The following SLAIN1 variants were observed in gnomAD, a reference collection of about 807,000 sequenced individuals.
SLAIN1 encodes the protein SLAIN family member 1.
Under a neutral mutation model 55.4 loss-of-function variants are expected in SLAIN1, and 17 were observed. The observed-to-expected ratio is 0.31, with a 90% CI of 0.21 to 0.46. SLAIN1 has a LOEUF of 0.46. SLAIN1 is among the 20% of genes least tolerant of loss of function. SLAIN1 has a pLI of 1.00. For missense variants in SLAIN1, 682 were observed against 785.1 expected (o/e 0.87, Z 1.57); for synonymous variants, 348 against 337.4 (o/e 1.03, Z -0.35).
rs774945284 is a variant in SLAIN1 at position 77,760,891 on chromosome 13, G to A, written c.1478G>A (p.Arg493Gln). ...HSVGHFPVSI[R>Q]QPLKATAYVS... ...GTGGGGCATTTCCCAGTGTCTATCC[G>A]ACAGCCTCTTAAAGCCACAGCCTAT... is the stretch of plus-strand genomic sequence containing the variant. The change falls in exon 6 of 7, where the codon CGA (arginine) becomes CAA (glutamine). Residue 493 changes from arginine to glutamine, a missense_variant. Arg to Gln is a conservative substitution (Grantham distance 43). Transcript: ENST00000418532. The A allele has an allele frequency of 2.0e-5, 32 of 1,613,968 alleles. No homozygotes were observed. The highest frequency in any genetic ancestry group is 2.2e-5 in the East Asian group (1 of 44,898).
At chr13:77,740,756 AC>A (rs1873385045) in intron 2 of SLAIN1, among the ~76,000 whole-genome samples, 2 of 151,964 alleles carry the variant, frequency 1.3e-5, no homozygotes, top group African/African-American at 4.8e-5. Flanking sequence ...GCTCTTTTTT[AC>A]AAGTTCTTTT....
At chr13:77,742,919 CT>C (rs372604248) in intron 2 of SLAIN1, 132,342 of 560,804 alleles carry the variant, frequency 0.24, 658 homozygotes, top group Non-Finnish European at 0.26. Flanking sequence ...GTTGCTTTGT[CT>C]TTTTTTTTTT....
At chr13:77,723,932 TA>T (rs10599579) in intron 2 of SLAIN1, among the ~76,000 whole-genome samples, 103,557 of 145,892 alleles carry the variant, frequency 0.71, 38,160 homozygotes, top group Non-Finnish European at 0.82. Context: ...TTTTGGAGAT[TA>T]AAAAAAAAAA....
intron 2 of SLAIN1, among the ~76,000 whole-genome samples, chr13:77,728,112 T>G (rs1347211716): frequency 6.6e-6 from 1 of 152,188 alleles, no homozygotes; most frequent in Non-Finnish European, 1.5e-5. Context: ...TGTTTTTATT[T>G]TATTTTTTAT....
chr13:77,748,033 C>T (rs890796769), intron 4 of SLAIN1, among the ~76,000 whole-genome samples: 2 of 152,162 alleles, frequency 1.3e-5, no homozygotes, highest in East Asian at 3.9e-4. Context: ...TTATATAGCA[C>T]TATTTCTCAA....
At chr13:77,757,224 C>T (rs998496123) in intron 5 of SLAIN1, among the ~76,000 whole-genome samples, 2 of 151,934 alleles carry the variant, frequency 1.3e-5, no homozygotes, top group Non-Finnish European at 2.9e-5. Context: ...GTTACAGTTG[C>T]TGAACTAGTA....
intron 2 of SLAIN1, among the ~76,000 whole-genome samples, chr13:77,727,799 T>C (rs976771695): frequency 1.3e-5 from 2 of 152,238 alleles, no homozygotes; most frequent in African/African-American, 4.8e-5. Flanking sequence ...TTCACAGGGC[T>C]ATTTTAGAAA....
intron 2 of SLAIN1, among the ~76,000 whole-genome samples, chr13:77,726,710 C>T (rs993471544): frequency 6.6e-6 from 1 of 152,190 alleles, no homozygotes; most frequent in African/African-American, 2.4e-5. Context: ...AGCCACTGTG[C>T]TTGGCCCTAA....
intron 5 of SLAIN1, 69 bp downstream of exon 5, chr13:77,753,427 AGG>A: frequency 1.1e-6 from 1 of 892,328 alleles, no homozygotes; most frequent in Non-Finnish European, 1.5e-6. Flanking sequence ...TTTAATTGTA[AGG>A]AAAATGTCTG....
chr13:77,750,168 C>G (rs1425920626), intron 4 of SLAIN1, among the ~76,000 whole-genome samples: 2 of 151,998 alleles, frequency 1.3e-5, no homozygotes, highest in African/African-American at 4.8e-5. Flanking sequence ...TTTAGCAAAG[C>G]AAACAAAAGT....
chr13:77,745,370 A>G (rs1873745880), intron 3 of SLAIN1, among the ~76,000 whole-genome samples: 1 of 151,990 alleles, frequency 6.6e-6, no homozygotes, highest in Non-Finnish European at 1.5e-5. Flanking sequence ...CAAAGTGTAC[A>G]GTTTTGTTTT....
At chr13:77,703,780 T>C (rs140887108) in intron 1 of SLAIN1, among the ~76,000 whole-genome samples, 174 of 151,704 alleles carry the variant, frequency 1.1e-3, no homozygotes, top group African/African-American at 3.9e-3. Flanking sequence ...TTAGTGTTGA[T>C]GTTTCAGCTT....
chr13:77,737,190 C>G (rs1463041801), intron 2 of SLAIN1, among the ~76,000 whole-genome samples: 3 of 151,740 alleles, frequency 2.0e-5, no homozygotes, highest in African/African-American at 7.3e-5. Flanking sequence ...TCTTTTTTTC[C>G]CACTCCCTAT....
chr13:77,763,344 C>A lies in SLAIN1; in HGVS notation c.*124C>A. 1.4e-6 allele frequency: 1 copy of A among 708,840 alleles called. No individual in the cohort carries two copies. The allele number at this position is 708,840 out of a possible 1,614,324, so 43.9% of individuals were successfully genotyped here. ...CTTTTGTGTTTTAATATATTTACTG[C>A]ATTGTTTCTCAATGGACCAGTCACC... is the stretch of plus-strand genomic sequence containing the variant. On this transcript the variant is annotated 3_prime_UTR_variant, in exon 7 of 7. Transcript: ENST00000418532.
At chr13:77,719,758 A>G (rs1310870102) in intron 2 of SLAIN1, 87 bp downstream of exon 2, 6 of 1,483,916 alleles carry the variant, frequency 4.0e-6, no homozygotes, top group Non-Finnish European at 5.5e-6. Context: ...AAACATTTCA[A>G]TTGAAAATTC....
intron 2 of SLAIN1, among the ~76,000 whole-genome samples, chr13:77,731,212 G>A (rs1316697074): frequency 1.3e-5 from 2 of 152,048 alleles, no homozygotes; most frequent in Non-Finnish European, 2.9e-5. Context: ...AGATTTTCCA[G>A]AATTAAAGAT....
chr13:77,713,408 A>G (rs1042588200), intron 1 of SLAIN1, among the ~76,000 whole-genome samples: 5 of 152,216 alleles, frequency 3.3e-5, no homozygotes, highest in Admixed American at 1.3e-4. Flanking sequence ...TGCGGCCAGC[A>G]AACATGAAAA....
intron 1 of SLAIN1, chr13:77,699,036 A>G: frequency 6.5e-7 from 1 of 1,535,438 alleles, no homozygotes; most frequent in Non-Finnish European, 8.7e-7. Flanking sequence ...CCGCGCAGTG[A>G]TGGATCTCTC....
chr13:77,738,049 G>A (rs553604908), intron 2 of SLAIN1, among the ~76,000 whole-genome samples: 1 of 152,014 alleles, frequency 6.6e-6, no homozygotes, highest in Non-Finnish European at 1.5e-5. Context: ...CACATGCTGT[G>A]TGTATCTGTG....
Sources: allele counts gnomAD v4.1 joint callset (sites outside exome capture counted in the v4.1 genomes callset), GRCh38; gene constraint gnomAD v4.1.1; transcripts MANE v1.5; gene names NCBI Gene and HGNC (gene_info 2026-07-23, HGNC 2026-07-21).